MRM1: variants seen among roughly 807,000 people sequenced by gnomAD.
MRM1 encodes mitochondrial rRNA methyltransferase 1, also known as rRNA methyltransferase 1, mitochondrial.
In MRM1, 24 loss-of-function variants were observed where a neutral mutation model predicts 25.0. The observed-to-expected ratio is 0.96, with a 90% CI of 0.69 to 1.35. MRM1 has a LOEUF of 1.35. Among genes scored for constraint, MRM1 ranks in the 40% most tolerant of loss-of-function variants. The pLI is 0.00. For synonymous variants in MRM1, 188 were observed against 199.2 expected (o/e 0.94, Z 0.47); for missense variants, 431 against 464.1 (o/e 0.93, Z 0.65).
Position 36,608,337 on chromosome 17 carries a change from C to G in MRM1, c.984C>G (p.Ala328=). Reference sequence around the variant, plus strand: ...TCCAAGACCCCCAAGAACCCTCAGCCAGGTCTGAAGGGCTCAGCATGGCTC... The same window carrying G: ...TCCAAGACCCCCAAGAACCCTCAGCGAGGTCTGAAGGGCTCAGCATGGCTC... ...QLLQDPQEPS[A]RSEGLSMAQH... Residue 328 remains alanine (A), a synonymous_variant, in exon 5 of 5, where the codon GCC becomes GCG. Coordinates refer to ENST00000614766, the MANE Select transcript of MRM1 (RefSeq NM_024864.5). 1 of 1,611,580 alleles carries G rather than the reference C, an allele frequency of 6.2e-7. No homozygotes were observed. Among genetic ancestry groups the G allele is most frequent in the East Asian group, 2.2e-5 (1 of 44,820 alleles).
rs906499525 is a variant in MRM1 at position 36,608,684 on chromosome 17, T to C, written c.*269T>C. 7.9e-6 allele frequency: 3 copies of C among 381,578 alleles called. No individual in the cohort carries two copies. Among genetic ancestry groups the C allele is most frequent in the Non-Finnish European group, 1.4e-5 (3 of 215,308 alleles). The allele number at this position is 381,578 out of a possible 1,614,324, so 23.6% of individuals were successfully genotyped here. A position where few individuals can be genotyped will look rare whatever the true frequency, so the allele number is the denominator to read the frequency against. On this transcript the variant is annotated 3_prime_UTR_variant, in exon 5 of 5. Transcript: ENST00000614766. The stretch of plus-strand genomic sequence containing the variant: ...ATGGAGGGAATCTGTTCCCAGGCCC[T>C]GCCTGGAAGTTGAGGGAAAGTTTAG...
the MRM1 span, among the ~76,000 whole-genome samples, chr17:36,633,452 C>A: frequency 6.6e-6 from 1 of 152,116 alleles, no homozygotes; most frequent in Non-Finnish European, 1.5e-5. Flanking sequence ...CCGGCTCACA[C>A]CCTCTTCCTT....
At chr17:36,608,150 C>G in intron 4 of MRM1, 93 bp from the exon 5 acceptor site, 9 of 1,521,342 alleles carry the variant, frequency 5.9e-6, no homozygotes, top group Non-Finnish European at 8.0e-6. Flanking sequence ...AATTACATCC[C>G]GTTGATGAGA....
At chr17:36,620,065 T>A in the MRM1 span, among the ~76,000 whole-genome samples, 1 of 152,178 alleles carries the variant, frequency 6.6e-6, no homozygotes, top group Non-Finnish European at 1.5e-5. Context: ...TGCTATTGAG[T>A]TGTAGGAGTT....
intron 2 of MRM1, among the ~76,000 whole-genome samples, chr17:36,606,914 TG>T (rs796995618): frequency 3.3e-4 from 46 of 140,564 alleles, no homozygotes; most frequent in African/African-American, 1.2e-3. Context: ...CCTGGTTTTT[TG>T]TTTTTTTTTT....
At chr17:36,611,286 G>T (rs780679525), downstream of MRM1, among the ~76,000 whole-genome samples, 1 of 152,124 alleles carries the variant, frequency 6.6e-6, no homozygotes. Context: ...CTCAGGTTCC[G>T]GAAGGTGCTC....
Position 36,608,634 on chromosome 17 carries a change from C to T in MRM1, c.*219C>T. 2.5e-6 allele frequency: 1 copy of T among 404,688 alleles called. No individual in the cohort carries two copies. The highest frequency in any genetic ancestry group is 4.3e-6 in the Non-Finnish European group (1 of 230,338). 25.1% of individuals were successfully genotyped at this position (404,688 alleles called of 1,614,324 possible). A position where few individuals can be genotyped will look rare whatever the true frequency, so the allele number is the denominator to read the frequency against. ...GTAGGACATGGTGATTTGTTAATTTCCATGGGAAGCCATGATGGCCTAGCA... is the reference window on the plus strand; with the variant it reads ...GTAGGACATGGTGATTTGTTAATTTTCATGGGAAGCCATGATGGCCTAGCA... On this transcript the variant is annotated 3_prime_UTR_variant, in exon 5 of 5. Coordinates refer to ENST00000614766, the MANE Select transcript of MRM1 (RefSeq NM_024864.5).
At chr17:36,621,574 C>T in the MRM1 span, among the ~76,000 whole-genome samples, 4 of 152,210 alleles carry the variant, frequency 2.6e-5, no homozygotes, top group African/African-American at 4.8e-5. Flanking sequence ...CCCCCCACAA[C>T]CACCAGCCCA....
chr17:36,602,815 A>G lies in MRM1; in HGVS notation c.636+169A>G, dbSNP rs1347588586. On this transcript the variant is annotated intron_variant, in intron 2 of 4. Transcript: ENST00000614766. This position sits in a 1 kb window ranked among gnomAD's most constrained non-coding sequence, Gnocchi z 4.1. ...GGTCCTGGAGTTTTTAAAACGGCAA[A>G]TGGAGCATTAGCTGAATTCTTCCTA... 2 of 741,786 alleles carry G rather than the reference A, an allele frequency of 2.7e-6. No homozygotes were observed. Among genetic ancestry groups the G allele is most frequent in the East Asian group, 1.3e-4 (1 of 7,718 alleles). 46.0% of individuals were successfully genotyped at this position (741,786 alleles called of 1,614,324 possible).
chr17:36,611,919 A>G (rs1351901350), downstream of MRM1, among the ~76,000 whole-genome samples: 3 of 151,648 alleles, frequency 2.0e-5, no homozygotes, highest in East Asian at 1.9e-4. Context: ...CCATCATTGC[A>G]TGAGCCAATG....
At chr17:36,633,866 C>T in the MRM1 span, among the ~76,000 whole-genome samples, 1 of 152,312 alleles carries the variant, frequency 6.6e-6, no homozygotes, top group South Asian at 2.1e-4. Flanking sequence ...ATTCTCTCCT[C>T]CTCTGTCTCT....
At chr17:36,630,806 T>C in the MRM1 span, among the ~76,000 whole-genome samples, 1 of 151,990 alleles carries the variant, frequency 6.6e-6, no homozygotes, top group African/African-American at 2.4e-5. Flanking sequence ...GGTAAGGGCA[T>C]TGGGGGCAGA....
At chr17:36,608,155 A>G in intron 4 of MRM1, 88 bp from the exon 5 acceptor site, 1 of 1,523,452 alleles carries the variant, frequency 6.6e-7, no homozygotes, top group East Asian at 2.3e-5. Context: ...CATCCCGTTG[A>G]TGAGATGAGG....
Position 36,607,657 on chromosome 17 carries a change from T to C in MRM1, c.637-13T>C, listed in dbSNP as rs1446109037. On this transcript the variant is annotated splice_polypyrimidine_tract_variant and intron_variant, in intron 2 of 4. Transcript: ENST00000614766. ...AAAAAAAGAATTAGAACATATCTTC[T>C]TCCCCCTTTCAGACCAAAGCCCAGC... is the stretch of plus-strand genomic sequence containing the variant. The C allele has an allele frequency of 1.2e-6, 2 of 1,604,656 alleles. No homozygotes were observed. Among genetic ancestry groups the C allele is most frequent in the Admixed American group, 1.8e-5 (1 of 57,038 alleles).
chr17:36,602,323 G>C lies in MRM1; in HGVS notation c.513G>C (p.Val171=), dbSNP rs757133378. Residue 171 remains valine (V), a synonymous_variant, in exon 1 of 5, where the codon GTG becomes GTC. Transcript: ENST00000614766. The surrounding 1 kb of genome is among the most constrained non-coding windows in gnomAD (Gnocchi z 4.1). ...AVLRSAHFLG[V]DKVITSRRNS... Reference sequence around the variant, plus strand: ...TGCGTTCCGCACACTTCCTCGGAGTGGATAAGGTCATCACCAGCCGGAGAA... The same window carrying C: ...TGCGTTCCGCACACTTCCTCGGAGTCGATAAGGTCATCACCAGCCGGAGAA... 1.3e-6 allele frequency: 2 copies of C among 1,575,976 alleles called. No homozygotes were observed. The highest frequency in any genetic ancestry group is 1.7e-6 in the Non-Finnish European group (2 of 1,157,234).
the MRM1 span, among the ~76,000 whole-genome samples, chr17:36,624,558 C>T: frequency 6.6e-6 from 1 of 152,320 alleles, no homozygotes; most frequent in South Asian, 2.1e-4. This position sits in a 1 kb window ranked among gnomAD's most constrained non-coding sequence, Gnocchi z 4.0. Flanking sequence ...TCCATGAGCA[C>T]GCATGTCATA....
the MRM1 span, among the ~76,000 whole-genome samples, chr17:36,618,887 A>G: frequency 6.6e-6 from 1 of 152,222 alleles, no homozygotes; most frequent in Non-Finnish European, 1.5e-5. Context: ...GCTGGAACTC[A>G]AACCCAAGTC....
chr17:36,626,971 T>C, the MRM1 span, among the ~76,000 whole-genome samples: 1 of 152,224 alleles, frequency 6.6e-6, no homozygotes, highest in African/African-American at 2.4e-5. Flanking sequence ...AGCCCCCAAA[T>C]CCCCACATGC....
chr17:36,617,932 G>A, the MRM1 span, among the ~76,000 whole-genome samples: 6 of 152,132 alleles, frequency 3.9e-5, no homozygotes, highest in African/African-American at 7.2e-5. Context: ...TCTCCCCACC[G>A]GCTTCCTGTG....
Sources: gnomAD v4.1 joint callset for allele counts (sites outside exome capture counted in the v4.1 genomes callset) on GRCh38, gnomAD v4.1.1 for gene constraint, Gnocchi (gnomAD v3.1) non-coding constraint, MANE v1.5 for transcripts, NCBI Gene and HGNC (gene_info 2026-07-23, HGNC 2026-07-21) for gene names.